The following GRID1 variants were observed in gnomAD, a reference collection of about 807,000 sequenced individuals.
The protein encoded by GRID1 is glutamate ionotropic receptor delta type subunit 1, also known as glutamate receptor ionotropic, delta-1.
A neutral mutation model predicts 98.0 loss-of-function variants in GRID1; 28 were observed. The ratio of observed to expected loss-of-function variants is 0.29; its 90% CI spans 0.21 to 0.39. GRID1 has a LOEUF of 0.39. GRID1 is among the 10% of genes least tolerant of loss of function. GRID1 has a pLI of 1.00. For synonymous variants in GRID1, 553 were observed against 538.5 expected (o/e 1.03, Z -0.37); for missense variants, 1,111 against 1,340.5 (o/e 0.83, Z 2.67).
chr10:85,610,922 CCT>C (rs1811926665), intron 15 of GRID1, among the ~76,000 whole-genome samples: 1 of 152,212 alleles, frequency 6.6e-6, no homozygotes, highest in South Asian at 2.1e-4. Flanking sequence ...TTCCAACCTG[CCT>C]CTCTCCATGT....
intron 2 of GRID1, among the ~76,000 whole-genome samples, chr10:86,320,667 TAA>T (rs755649473): frequency 6.6e-6 from 1 of 152,314 alleles, no homozygotes; most frequent in Non-Finnish European, 1.5e-5. Context: ...TAAAAATGGC[TAA>T]AATGGTAAAT....
chr10:85,668,292 C>T lies in GRID1; in HGVS notation c.1998-20895G>A, dbSNP rs867330653. On this transcript the variant is annotated intron_variant, in intron 12 of 15. Coordinates refer to ENST00000327946, the MANE Select transcript of GRID1 (RefSeq NM_017551.3). The stretch of plus-strand genomic sequence containing the variant: ...TCAGATTCATTCCATATGTGAGCAA[C>T]GGAGCATGTGCCTCTGACTCTGTGT... Among the ~76,000 whole-genome samples the T allele has an allele frequency of 4.4e-4, 67 of 152,144 alleles. 1 individual carries two copies. Among genetic ancestry groups the T allele is most frequent in the African/African-American group, 1.0e-3 (42 of 41,430 alleles).
chr10:85,608,564 G>A (rs1191940729), intron 15 of GRID1, among the ~76,000 whole-genome samples: 9 of 152,140 alleles, frequency 5.9e-5, no homozygotes, highest in Admixed American at 5.9e-4. Context: ...TTGGTCCCTG[G>A]CACATAGAAA....
At chr10:85,689,273 A>T (rs1193471158) in intron 12 of GRID1, among the ~76,000 whole-genome samples, 1 of 152,224 alleles carries the variant, frequency 6.6e-6, no homozygotes, top group Admixed American at 6.5e-5. Context: ...AGCCAGGAAC[A>T]AAAAGTCAAC....
chr10:86,323,718 T>C (rs565207251), intron 2 of GRID1, among the ~76,000 whole-genome samples: 41 of 152,322 alleles, frequency 2.7e-4, no homozygotes, highest in Admixed American at 2.5e-3. Flanking sequence ...AATTAGGTAG[T>C]GGCAATGGTT....
At chr10:86,267,662 C>T (rs145672760) in intron 2 of GRID1, among the ~76,000 whole-genome samples, 4 of 152,168 alleles carry the variant, frequency 2.6e-5, no homozygotes, top group African/African-American at 4.8e-5. Context: ...CAGAACTCCA[C>T]GGCCATGGCT....
chr10:86,349,761 A>C (rs934436714), intron 2 of GRID1, among the ~76,000 whole-genome samples: 1 of 152,188 alleles, frequency 6.6e-6, no homozygotes, highest in Admixed American at 6.5e-5. Flanking sequence ...CAGAGAGCAG[A>C]GTTCCCATGA....
chr10:86,143,602 C>G (rs1041176468), intron 3 of GRID1, among the ~76,000 whole-genome samples: 1 of 152,196 alleles, frequency 6.6e-6, no homozygotes, highest in Admixed American at 6.5e-5. Flanking sequence ...TCCACCATCA[C>G]CAATGCAGCT....
At chr10:86,176,583 G>C (rs1845579068) in intron 3 of GRID1, among the ~76,000 whole-genome samples, 1 of 152,208 alleles carries the variant, frequency 6.6e-6, no homozygotes, top group Non-Finnish European at 1.5e-5. Context: ...AAAGAAGGGA[G>C]GGGCCAGGTG....
intron 4 of GRID1, among the ~76,000 whole-genome samples, chr10:86,024,837 G>A (rs930577794): frequency 5.9e-5 from 9 of 152,160 alleles, no homozygotes; most frequent in African/African-American, 2.2e-4. Context: ...CAGTGGGTGG[G>A]TATCCCCACC....
In GRID1 at chr10:85,754,329, C is replaced by G. The variant is rs150164004; in HGVS notation, c.1234-24715G>C. On this transcript the variant is annotated intron_variant, in intron 8 of 15. Transcript: ENST00000327946. ...GCCACATGCCAGAAACTGACAGGCA[C>G]AGGTCACAGAAATGAAGTATAGATC... Among the ~76,000 whole-genome samples, 295 of 152,262 alleles carry G rather than the reference C, an allele frequency of 1.9e-3. 2 individuals carry two copies. The highest frequency in any genetic ancestry group is 5.9e-3 in the African/African-American group (247 of 41,540).
chr10:86,063,321 G>A (rs368405033), intron 4 of GRID1, among the ~76,000 whole-genome samples: 27 of 152,312 alleles, frequency 1.8e-4, no homozygotes, highest in East Asian at 9.6e-4. Flanking sequence ...TACGCCAGCC[G>A]CTGGGAAGCA....
chr10:85,682,923 T>C (rs1016692265), intron 12 of GRID1, among the ~76,000 whole-genome samples: 2 of 152,234 alleles, frequency 1.3e-5, no homozygotes, highest in African/African-American at 4.8e-5. Context: ...AGATGGCACA[T>C]GGCTAGGAAG....
chr10:86,232,321 A>T (rs1414150349), intron 2 of GRID1, among the ~76,000 whole-genome samples: 1 of 152,194 alleles, frequency 6.6e-6, no homozygotes, highest in Non-Finnish European at 1.5e-5. Flanking sequence ...TGATACACTG[A>T]GGGTTCTCTG....
rs1163630001 is a variant in GRID1, at chr10:85,865,968, G to C, written c.951+3042C>G. 4.4e-4 allele frequency among the ~76,000 whole-genome samples: 40 copies of C among 90,668 alleles called. 2 individuals are homozygous for C. Among genetic ancestry groups the C allele is most frequent in the African/African-American group, 2.0e-3 (39 of 19,326 alleles). 59.5% of individuals were successfully genotyped at this position (90,668 alleles called of 152,430 possible). ...ACACATATATATGGAGAGAGAGAGA[G>C]AGAGAGAGAGAGAGAGAGAGAGAGA... On this transcript the variant is annotated intron_variant, in intron 6 of 15. Coordinates refer to ENST00000327946, the MANE Select transcript of GRID1 (RefSeq NM_017551.3).
Position 86,232,507 on chromosome 10 carries a change from C to G in GRID1, c.236-25859G>C, listed in dbSNP as rs190469148. Among the ~76,000 whole-genome samples, 257 of 152,328 alleles carry G rather than the reference C, an allele frequency of 1.7e-3. 1 individual carries two copies. The highest frequency in any genetic ancestry group is 5.9e-3 in the African/African-American group (247 of 41,578). ...CTCTCCTGTTGTATTTCCCACCCATCCTGAACCTACCCCCACCACCACCTG... is the reference window on the plus strand; with the variant it reads ...CTCTCCTGTTGTATTTCCCACCCATGCTGAACCTACCCCCACCACCACCTG... On this transcript the variant is annotated intron_variant, in intron 2 of 15. Transcript: ENST00000327946.
chr10:86,136,566 T>A (rs1844927731), intron 4 of GRID1, among the ~76,000 whole-genome samples: 1 of 152,232 alleles, frequency 6.6e-6, no homozygotes, highest in Non-Finnish European at 1.5e-5. Flanking sequence ...TTCCTCTGTC[T>A]GCAAAGTGTG....
At chr10:86,310,983 G>A (rs1175772777) in intron 2 of GRID1, among the ~76,000 whole-genome samples, 1 of 152,160 alleles carries the variant, frequency 6.6e-6, no homozygotes, top group Non-Finnish European at 1.5e-5. Context: ...AGCCTCGTGG[G>A]TCAAGATGGA....
intron 5 of GRID1, among the ~76,000 whole-genome samples, chr10:85,902,691 G>C (rs1841405793): frequency 6.6e-6 from 1 of 152,212 alleles, no homozygotes; most frequent in African/African-American, 2.4e-5. Flanking sequence ...CTCAAGTCCT[G>C]ATTCTGCCAC....
Sources: gnomAD v4.1 joint callset for allele counts (sites outside exome capture counted in the v4.1 genomes callset) on GRCh38, gnomAD v4.1.1 for gene constraint, MANE v1.5 for transcripts, NCBI Gene and HGNC (gene_info 2026-07-23, HGNC 2026-07-21) for gene names.